The following ATP10B variants were observed in gnomAD, a reference collection of about 807,000 sequenced individuals.
ATP10B encodes ATPase phospholipid transporting 10B (putative), also known as phospholipid-transporting ATPase VB.
In ATP10B, 122 loss-of-function variants were observed where a neutral mutation model predicts 141.2. That is an observed-to-expected ratio of 0.86 (90% CI 0.75 to 1.00). ATP10B has a LOEUF of 1.00. Ranked by LOEUF, ATP10B falls within the 50% of genes least tolerant of loss-of-function variation. ATP10B has a pLI of 0.00. For synonymous variants in ATP10B, 685 were observed against 692.0 expected (o/e 0.99, Z 0.16); for missense variants, 1,876 against 1,825.3 (o/e 1.03, Z -0.51).
intron 3 of ATP10B, among the ~76,000 whole-genome samples, chr5:160,689,869 A>G (rs1460945946): frequency 6.6e-6 from 1 of 152,160 alleles, no homozygotes; most frequent in African/African-American, 2.4e-5. Flanking sequence ...TAAATTTCAT[A>G]TGTAACCAAA....
the ATP10B span, among the ~76,000 whole-genome samples, chr5:160,897,524 T>C: frequency 6.6e-6 from 1 of 151,976 alleles, no homozygotes; most frequent in African/African-American, 2.4e-5. Context: ...AAAACACTGC[T>C]CAAGAAAATA....
chr5:160,590,005 G>T (rs1052053686), intron 23 of ATP10B, among the ~76,000 whole-genome samples: 8 of 152,184 alleles, frequency 5.3e-5, no homozygotes, highest in Non-Finnish European at 1.0e-4. Flanking sequence ...TTCTGTGTTT[G>T]CCTACAATGA....
Position 160,622,520 on chromosome 5 carries a change from C to A in ATP10B, c.1686G>T (p.Glu562Asp). 1.2e-6 allele frequency: 2 copies of A among 1,614,106 alleles called. No homozygotes were observed. The highest frequency in any genetic ancestry group is 1.7e-6 in the Non-Finnish European group (2 of 1,180,008). Reference protein sequence around the residue: ...TKVRDAALWLETLSDSRPAKA... With the variant: ...TKVRDAALWLDTLSDSRPAKA... ...TGGCAGGTCTGCTGTCTGACAAGGT[C>A]TCCAACCACAGGGCAGCATCTCGAA... Residue 562 changes from glutamate (E) to aspartate (D), a missense_variant, in exon 14 of 26, where the codon GAG becomes GAT. Coordinates refer to ENST00000327245, the MANE Select transcript of ATP10B (RefSeq NM_025153.3).
intron 1 of ATP10B, among the ~76,000 whole-genome samples, chr5:160,840,399 AATAGAAATCT>A (rs1391931203): frequency 1.3e-5 from 2 of 152,208 alleles, no homozygotes; most frequent in African/African-American, 4.8e-5. Flanking sequence ...AGACTAACGG[AATAGAAATCT>A]ATAGAAATCT....
In ATP10B at chr5:160,622,518, G is replaced by T. The variant is rs781502417; in HGVS notation, c.1688C>A (p.Thr563Asn). 6.8e-6 allele frequency: 11 copies of T among 1,613,922 alleles called. No homozygotes were observed. The highest frequency in any genetic ancestry group is 1.6e-4 in the Middle Eastern group (1 of 6,082). ...KVRDAALWLE[T>N]LSDSRPAKAS... The stretch of plus-strand genomic sequence containing the variant: ...CTTGGCAGGTCTGCTGTCTGACAAG[G>T]TCTCCAACCACAGGGCAGCATCTCG... Residue 563 changes from threonine (T) to asparagine (N), a missense_variant, in exon 14 of 26, where the codon ACC becomes AAC. Coordinates refer to ENST00000327245, the MANE Select transcript of ATP10B (RefSeq NM_025153.3).
At chr5:160,684,527 A>G (rs1157192264) in intron 6 of ATP10B, among the ~76,000 whole-genome samples, 1 of 152,186 alleles carries the variant, frequency 6.6e-6, no homozygotes, top group African/African-American at 2.4e-5. Context: ...CCAGCCTTAA[A>G]TGTGCTCATG....
chr5:160,709,631 T>G (rs1765237362), intron 3 of ATP10B, among the ~76,000 whole-genome samples: 1 of 146,176 alleles, frequency 6.8e-6, no homozygotes, highest in Non-Finnish European at 1.5e-5. Context: ...TATTATACTC[T>G]AAGTTTTAGG....
intron 9 of ATP10B, among the ~76,000 whole-genome samples, chr5:160,642,790 A>G (rs1759970454): frequency 6.6e-6 from 1 of 152,238 alleles, no homozygotes; most frequent in African/African-American, 2.4e-5. Context: ...GGTAGAAACT[A>G]TTAGTCCCTC....
chr5:160,897,824 A>C, the ATP10B span, among the ~76,000 whole-genome samples: 29 of 152,224 alleles, frequency 1.9e-4, no homozygotes, highest in Non-Finnish European at 3.2e-4. Flanking sequence ...AACAGCATGG[A>C]ACTGGTACCA....
At chr5:160,813,241 A>T (rs1352155928) in intron 1 of ATP10B, among the ~76,000 whole-genome samples, 2 of 152,224 alleles carry the variant, frequency 1.3e-5, no homozygotes, top group African/African-American at 4.8e-5. Context: ...TAGTCAAAGA[A>T]AGGGGTGACA....
chr5:160,922,131 C>G, the ATP10B span, among the ~76,000 whole-genome samples: 1 of 152,120 alleles, frequency 6.6e-6, no homozygotes, highest in Non-Finnish European at 1.5e-5. Context: ...GCATCTGACT[C>G]ATATGAAAGT....
chr5:160,622,219 A>T (rs182404130), intron 14 of ATP10B, among the ~76,000 whole-genome samples, 175 bp downstream of exon 14: 64 of 152,348 alleles, frequency 4.2e-4, no homozygotes, highest in Non-Finnish European at 7.5e-4. Context: ...AAAAATGAGG[A>T]AACAGACCCA....
At chr5:160,743,395 A>G (rs1402803340) in intron 2 of ATP10B, among the ~76,000 whole-genome samples, 1 of 152,192 alleles carries the variant, frequency 6.6e-6, no homozygotes, top group Non-Finnish European at 1.5e-5. Flanking sequence ...GAGAAGAGAA[A>G]ACCTGTCTGG....
Position 160,613,289 on chromosome 5 carries a change from G to A in ATP10B, c.2654-364C>T, listed in dbSNP as rs139320738. On this transcript the variant is annotated intron_variant, in intron 17 of 25. Transcript: ENST00000327245. ...CAGAGGAGGAAAATTCCAGGTAGAGGGATCAGTGTGTGTGAAGTCCCAGAG... is the reference window on the plus strand; with the variant it reads ...CAGAGGAGGAAAATTCCAGGTAGAGAGATCAGTGTGTGTGAAGTCCCAGAG... Among the ~76,000 whole-genome samples, 191 of 152,254 alleles carry A rather than the reference G, an allele frequency of 1.3e-3. 1 individual carries two copies. Among genetic ancestry groups the A allele is most frequent in the South Asian group, 3.1e-3 (15 of 4,804 alleles).
intron 1 of ATP10B, among the ~76,000 whole-genome samples, chr5:160,788,960 G>A (rs1327261787): frequency 6.6e-6 from 1 of 152,166 alleles, no homozygotes; most frequent in East Asian, 1.9e-4. Context: ...TACAAAGATG[G>A]CTTAATCGAC....
chr5:160,808,190 A>C (rs1473587476), intron 1 of ATP10B, among the ~76,000 whole-genome samples: 1 of 152,206 alleles, frequency 6.6e-6, no homozygotes, highest in South Asian at 2.1e-4. Flanking sequence ...GAATGCGTTG[A>C]ATTATGGTAA....
intron 2 of ATP10B, among the ~76,000 whole-genome samples, chr5:160,746,098 T>C (rs1020098080): frequency 6.6e-6 from 1 of 152,216 alleles, no homozygotes. Context: ...GAATATGCAT[T>C]ATTGATTAGC....
At chr5:160,810,378 G>A (rs1034206158) in intron 1 of ATP10B, among the ~76,000 whole-genome samples, 1 of 147,718 alleles carries the variant, frequency 6.8e-6, no homozygotes, top group Non-Finnish European at 1.5e-5. Flanking sequence ...ATTCCTAAAT[G>A]TATGAGATTT....
chr5:160,918,489 GACCATGATATTC>G, the ATP10B span, among the ~76,000 whole-genome samples: 1,491 of 152,246 alleles, frequency 9.8e-3, 25 homozygotes, highest in African/African-American at 0.032. Context: ...AGGCTAGATA[GACCATGATATTC>G]ACCATGATAT....
Sources: allele counts gnomAD v4.1 joint callset (sites outside exome capture counted in the v4.1 genomes callset), GRCh38; gene constraint gnomAD v4.1.1; transcripts MANE v1.5; gene names NCBI Gene and HGNC (gene_info 2026-07-23, HGNC 2026-07-21).